RSF1: variants seen among roughly 807,000 people sequenced by gnomAD.
The protein encoded by RSF1 is HBV pX-associated protein 8.
RSF1 carries 13 observed loss-of-function variants against 145.2 expected under a neutral mutation model. The ratio of observed to expected loss-of-function variants is 0.09; its 90% CI spans 0.06 to 0.14. The LOEUF is 0.14. Ranked by LOEUF, RSF1 falls within the 10% of genes least tolerant of loss-of-function variation. The pLI is 1.00. For synonymous variants in RSF1, 577 were observed against 592.6 expected, an observed-to-expected ratio of 0.97 and a Z score of 0.38; for missense variants, 1,517 against 1,718.2, an observed-to-expected ratio of 0.88 and a Z score of 2.07.
In RSF1 at chr11:77,701,426, T is replaced by C. The variant is rs775498432; in HGVS notation, c.1803A>G (p.Gln601=). ...CTTCTTCTGGTATTGGACTCAATCT[T>C]TGTGCGTCCTTATCAAGAAAAGTCT... ...SKKTFLDKDA[Q]RLSPIPEEVP... Residue 601 remains glutamine, a synonymous_variant, in exon 6 of 16, where the codon CAA becomes CAG. Transcript: ENST00000308488. The C allele has an allele frequency of 2.7e-5, 43 of 1,614,180 alleles. 1 individual carries two copies. Among genetic ancestry groups the C allele is most frequent in the Admixed American group, 1.0e-4 (6 of 60,030 alleles).
Position 77,672,092 on chromosome 11 carries a change from T to G in RSF1, c.3701A>C (p.Lys1234Thr), listed in dbSNP as rs148454072. The change falls in exon 15 of 16, where the codon AAA becomes ACA. Residue 1234 changes from lysine to threonine, a missense_variant. Lys to Thr is a moderately conservative substitution (Grantham distance 78, BLOSUM62 -1). This residue lies in a region of RSF1 where 240 missense variants were observed against 231.8 expected (regional missense o/e 1.04). Coordinates refer to ENST00000308488, the MANE Select transcript of RSF1 (RefSeq NM_016578.4). ...TCGCTTGTGTACTCGCCTTATTTCT[T>G]TACCACGTCGCAAACTCTTCTGGGA... The part of the protein sequence containing the change: ...DGSQKSLRRG[K>T]EIRRVHKRRL... 2,420 of 1,614,122 alleles carry G rather than the reference T, an allele frequency of 1.5e-3. 4 individuals carry two copies. Among genetic ancestry groups the G allele is most frequent in the Non-Finnish European group, 1.8e-3 (2,081 of 1,180,010 alleles).
chr11:77,761,475 T>C (rs552091907), intron 2 of RSF1, among the ~76,000 whole-genome samples: 1 of 150,186 alleles, frequency 6.7e-6, no homozygotes, highest in East Asian at 1.9e-4. Context: ...TTATTAATAA[T>C]TGGTTATCCC....
chr11:77,728,949 T>A (rs1444486682), intron 4 of RSF1, among the ~76,000 whole-genome samples: 1 of 151,866 alleles, frequency 6.6e-6, no homozygotes, highest in Non-Finnish European at 1.5e-5. Flanking sequence ...GAAGGAGAAG[T>A]GATCAAATTC....
chr11:77,771,013 C>G (rs1948277010), intron 1 of RSF1, among the ~76,000 whole-genome samples: 1 of 152,104 alleles, frequency 6.6e-6, no homozygotes. Context: ...TCAGATGTCT[C>G]CAGCTCCAAT....
chr11:77,811,875 T>G (rs1351484430), intron 1 of RSF1, among the ~76,000 whole-genome samples: 1 of 152,080 alleles, frequency 6.6e-6, no homozygotes, highest in Non-Finnish European at 1.5e-5. Flanking sequence ...TAATTCAAGA[T>G]TAAGAATAAA....
chr11:77,838,346 G>A, the RSF1 span, among the ~76,000 whole-genome samples: 1 of 152,180 alleles, frequency 6.6e-6, no homozygotes, highest in Admixed American at 6.6e-5. Flanking sequence ...GTAGACTAGT[G>A]TATATATGAG....
intron 1 of RSF1, among the ~76,000 whole-genome samples, chr11:77,805,771 T>G (rs1411995724): frequency 1.3e-5 from 2 of 152,238 alleles, no homozygotes; most frequent in Admixed American, 1.3e-4. Context: ...GTGCTTCAAA[T>G]AGTACTTATA....
intron 1 of RSF1, among the ~76,000 whole-genome samples, chr11:77,780,752 G>T (rs1264693515): frequency 1.4e-5 from 2 of 147,696 alleles, no homozygotes; most frequent in Non-Finnish European, 3.0e-5. Context: ...TTGAACCCAG[G>T]AAGCAGAAGT....
the RSF1 span, among the ~76,000 whole-genome samples, chr11:77,852,224 C>CAA: frequency 0.012 from 392 of 33,450 alleles, 28 homozygotes; most frequent in Middle Eastern, 0.025. Context: ...GACACTGTCT[C>CAA]AAAAAAAAAA....
At chr11:77,685,531 A>G (rs1565147906) in intron 9 of RSF1, among the ~76,000 whole-genome samples, 1 of 152,174 alleles carries the variant, frequency 6.6e-6, no homozygotes, top group Non-Finnish European at 1.5e-5. Context: ...CCTGGCCTCA[A>G]GCGATCCACC....
chr11:77,691,282 G>T, intron 8 of RSF1, 44 bp from the exon 9 acceptor site: 1 of 1,555,494 alleles, frequency 6.4e-7, no homozygotes, highest in Non-Finnish European at 8.9e-7. Context: ...ACAACTTTTA[G>T]CAATCATTTA....
At chr11:77,842,029 G>A in the RSF1 span, among the ~76,000 whole-genome samples, 2 of 152,194 alleles carry the variant, frequency 1.3e-5, no homozygotes, top group Non-Finnish European at 2.9e-5. Flanking sequence ...ACAACAAAAA[G>A]AAATTGTCCT....
In RSF1 at chr11:77,678,150, A is replaced by C; in HGVS notation, c.3069T>G (p.Phe1023Leu). ...CATCAATTGCTTCATCAAACTCATC[A>C]AATCTAAAATATACACAATGATCAC... is the stretch of plus-strand genomic sequence containing the variant. ...TRTRKCISYR[F>L]DEFDEAIDEA... Residue 1023 changes from phenylalanine (F) to leucine (L), a missense_variant, in exon 12 of 16, where the codon TTT becomes TTG. Phe to Leu is a conservative substitution (Grantham distance 22). Around this residue, in one of 12 missense-constraint regions of RSF1, gnomAD observed 231 missense variants for 276.6 expected, o/e 0.84. Coordinates refer to ENST00000308488, the MANE Select transcript of RSF1 (RefSeq NM_016578.4). 6.3e-7 allele frequency: 1 copy of C among 1,599,194 alleles called. No homozygotes were observed. The highest frequency in any genetic ancestry group is 8.5e-7 in the Non-Finnish European group (1 of 1,169,858).
At chr11:77,713,428 T>C (rs2135870067) in intron 5 of RSF1, among the ~76,000 whole-genome samples, 1 of 152,336 alleles carries the variant, frequency 6.6e-6, no homozygotes. Context: ...AGTCTGATTT[T>C]CCTTCCCTTG....
chr11:77,776,926 T>A (rs1948347960), intron 1 of RSF1, among the ~76,000 whole-genome samples: 1 of 152,190 alleles, frequency 6.6e-6, no homozygotes, highest in Non-Finnish European at 1.5e-5. Flanking sequence ...ATATAGATTA[T>A]TAAACCACTC....
chr11:77,762,028 T>TTTTC (rs1948179619), intron 2 of RSF1: 2 of 42,146 alleles, frequency 4.7e-5, no homozygotes, highest in African/African-American at 7.6e-5. Context: ...TTTTCTTTTC[T>TTTTC]TTTTTTTTTT....
chr11:77,667,533 A>G (rs1959400385), intron 15 of RSF1, 42 bp from the exon 16 acceptor site: 2 of 1,531,146 alleles, frequency 1.3e-6, no homozygotes, highest in East Asian at 4.5e-5. Context: ...ACGGTTAACC[A>G]TAAACGAATT....
At chr11:77,797,915 T>A (rs1948588837) in intron 1 of RSF1, among the ~76,000 whole-genome samples, 1 of 152,202 alleles carries the variant, frequency 6.6e-6, no homozygotes, top group Non-Finnish European at 1.5e-5. Flanking sequence ...ATTCTCATCA[T>A]CACTGGTCAT....
chr11:77,851,342 T>C, the RSF1 span: 1 of 152,236 alleles, frequency 6.6e-6, no homozygotes, highest in African/African-American at 2.4e-5. Context: ...TCTCAGAGAA[T>C]TGTACAATTG....
Sources: allele counts gnomAD v4.1 joint callset (sites outside exome capture counted in the v4.1 genomes callset), GRCh38; gene constraint gnomAD v4.1.1; regional missense constraint gnomAD v4.1.1; transcripts MANE v1.5; gene names NCBI Gene and HGNC (gene_info 2026-07-23, HGNC 2026-07-21).